The following MON1A variants were observed in gnomAD, a reference collection of about 807,000 sequenced individuals.
MON1A encodes MON1 vesicular trafficking associated A, also known as vacuolar fusion protein MON1 homolog A.
A neutral mutation model predicts 44.6 loss-of-function variants in MON1A; 29 were observed. The ratio of observed to expected loss-of-function variants is 0.65; its 90% CI spans 0.48 to 0.89. The LOEUF (loss-of-function observed/expected upper bound fraction) is 0.89, where lower values mean the gene tolerates loss of function less well. MON1A is among the 40% of genes least tolerant of loss of function. The pLI is 0.00. For synonymous variants in MON1A, 275 were observed against 316.4 expected (o/e 0.87, Z 1.39); for missense variants, 615 against 759.6 (o/e 0.81, Z 2.24).
rs1276859627 is a variant in MON1A at position 49,911,347 on chromosome 3, T to A, written c.613+179A>T. ...AACTTTGGTCCTCGCCGCAGCCCCATGAGGCCAGCAGTGTTGTTATCTTCT... is the reference window on the plus strand; with the variant it reads ...AACTTTGGTCCTCGCCGCAGCCCCAAGAGGCCAGCAGTGTTGTTATCTTCT... On this transcript the variant is annotated intron_variant, in intron 3 of 5. Transcript: ENST00000296473. The surrounding 1 kb of genome is among the most constrained non-coding windows in gnomAD (Gnocchi z 5.7). 6.6e-6 allele frequency among the ~76,000 whole-genome samples: 1 copy of A among 152,132 alleles called. No homozygotes were observed. The highest frequency in any genetic ancestry group is 1.5e-5 in the Non-Finnish European group (1 of 68,012).
chr3:49,926,624 T>C (rs1290438529), intron 1 of MON1A, among the ~76,000 whole-genome samples: 1 of 152,074 alleles, frequency 6.6e-6, no homozygotes, highest in African/African-American at 2.4e-5. Context: ...GCCTGGCTAA[T>C]TTTTTAATTT....
chr3:49,909,055 CTT>C lies in MON1A; in HGVS notation c.1625_1626del (p.Lys542ArgfsTer?). On this transcript the variant is annotated frameshift_variant, in exon 6 of 6. Coordinates refer to ENST00000296473, the MANE Select transcript of MON1A (RefSeq NM_032355.4). LOFTEE classifies it high-confidence loss of function. The surrounding 1 kb of genome is among the most constrained non-coding windows in gnomAD (Gnocchi z 4.0). ...AIHKLMRWIRKEEDRLFILTP... is the reference protein window; with the variant it reads ...AIHKLMRWIRXEEDRLFILTP... ...GTGAGAATGAAGAGGCGGTCTTCCTCTTTGCGGATCCAGCGCATCAGCTTATG... is the reference window on the plus strand; with the variant it reads ...GTGAGAATGAAGAGGCGGTCTTCCTCTGCGGATCCAGCGCATCAGCTTATG... The C allele has an allele frequency of 1.2e-6, 2 of 1,613,880 alleles. No individual in the cohort carries two copies. The highest frequency in any genetic ancestry group is 1.1e-5 in the South Asian group (1 of 91,046).
In MON1A at chr3:49,929,707, G is replaced by T; in HGVS notation, c.-112C>A. 6.4e-7 allele frequency: 1 copy of T among 1,550,608 alleles called. No individual in the cohort carries two copies. Among genetic ancestry groups the T allele is most frequent in the Non-Finnish European group, 8.7e-7 (1 of 1,146,800 alleles). On this transcript the variant is annotated 5_prime_UTR_variant, in exon 1 of 6. Transcript: ENST00000296473. ...GGGTGTCCGGCCGGGGCCGGCCTGA[G>T]GGCACAGCTTCGCGGGGCCCCGGCC...
intron 2 of MON1A, chr3:49,912,646 T>TA (rs34770361): frequency 0.066 from 13,091 of 197,706 alleles, 492 homozygotes; most frequent in African/African-American, 0.076. Context: ...ACTCAGGCCA[T>TA]AGCTCCTGAC....
intron 1 of MON1A, among the ~76,000 whole-genome samples, chr3:49,927,559 GC>G (rs776427686): frequency 4.5e-4 from 69 of 152,184 alleles, no homozygotes; most frequent in Non-Finnish European, 4.7e-4. Flanking sequence ...AGCCAGGTGG[GC>G]CCTAGCCTGA....
At chr3:49,913,585 G>T (rs2082912190) in intron 1 of MON1A, among the ~76,000 whole-genome samples, 1 of 147,542 alleles carries the variant, frequency 6.8e-6, no homozygotes, top group African/African-American at 2.5e-5. Context: ...GCACAGAAAA[G>T]TAGAAAGAAA....
chr3:49,925,744 A>G (rs1033923992), intron 1 of MON1A, among the ~76,000 whole-genome samples: 3 of 152,208 alleles, frequency 2.0e-5, no homozygotes, highest in African/African-American at 7.2e-5. Flanking sequence ...GTCTCAATCA[A>G]TCAATCAATG....
chr3:49,915,174 C>T (rs2082933158), intron 1 of MON1A, among the ~76,000 whole-genome samples: 1 of 152,176 alleles, frequency 6.6e-6, no homozygotes, highest in South Asian at 2.1e-4. Flanking sequence ...ACTGAGAGAG[C>T]TTAAGGAGCT....
rs1424341550 is a variant in MON1A, at chr3:49,914,186, G to T, written c.-13-827C>A. Among the ~76,000 whole-genome samples, 4 of 151,464 alleles carry T rather than the reference G, an allele frequency of 2.6e-5. No homozygotes were observed. The East Asian group carries it at 5.8e-4, about 22-fold the overall frequency. The stretch of plus-strand genomic sequence containing the variant: ...GCTCACCGCAACCTCCACCTCCCAG[G>T]TTCAAGAGATTCTCCTGCCTCAGCC... On this transcript the variant is annotated intron_variant, in intron 1 of 5. Transcript: ENST00000296473.
intron 1 of MON1A, among the ~76,000 whole-genome samples, chr3:49,927,936 T>C (rs2083064361): frequency 6.6e-6 from 1 of 151,900 alleles, no homozygotes; most frequent in Admixed American, 6.6e-5. Flanking sequence ...AAAAAACTCC[T>C]TGGTCTGCCA....
intron 1 of MON1A, among the ~76,000 whole-genome samples, chr3:49,922,173 AG>A (rs2083004068): frequency 7.1e-6 from 1 of 141,280 alleles, no homozygotes; most frequent in African/African-American, 2.6e-5. Context: ...GACGGCCGGG[AG>A]CAGTGGCTCA....
At chr3:49,920,355 ACCT>A (rs2082985432) in intron 1 of MON1A, among the ~76,000 whole-genome samples, 1 of 151,806 alleles carries the variant, frequency 6.6e-6, no homozygotes, top group Non-Finnish European at 1.5e-5. Context: ...CAGTCTTTGG[ACCT>A]CTTCTCTGTC....
At position 49,909,080 on chromosome 3, in the gene MON1A, A is replaced by G; in HGVS notation, c.1602T>C (p.His534=). 3 of 1,613,940 alleles carry G rather than the reference A, an allele frequency of 1.9e-6. No homozygotes were observed. Among genetic ancestry groups the G allele is most frequent in the Non-Finnish European group, 2.5e-6 (3 of 1,179,926 alleles). The change falls in exon 6 of 6, where the codon CAT becomes CAC. Residue 534 remains histidine, a synonymous_variant. Transcript: ENST00000296473. This position sits in a 1 kb window ranked among gnomAD's most constrained non-coding sequence, Gnocchi z 4.0. ...GTKASAVSAI[H]KLMRWIRKEE... Reference sequence around the variant, plus strand: ...CTTTGCGGATCCAGCGCATCAGCTTATGGATGGCACTGACGGCTGACGCCT... The same window carrying G: ...CTTTGCGGATCCAGCGCATCAGCTTGTGGATGGCACTGACGGCTGACGCCT...
Position 49,910,730 on chromosome 3 carries a change from G to T in MON1A, c.768C>A (p.Phe256Leu). ...LLTGAQLSHI[F>L]QQKQNYDLRR... ...GCAAATCATAGTTCTGCTTCTGCTG[G>T]AAGATGTGGCTCAGCTGCGCACCGG... Residue 256 changes from phenylalanine (F) to leucine (L), a missense_variant, in exon 4 of 6, where the codon TTC (phenylalanine) becomes TTA (leucine). Transcript: ENST00000296473. This position sits in a 1 kb window ranked among gnomAD's most constrained non-coding sequence, Gnocchi z 8.0. 1 of 1,614,042 alleles carries T rather than the reference G, an allele frequency of 6.2e-7. No individual in the cohort carries two copies. The highest frequency in any genetic ancestry group is 8.5e-7 in the Non-Finnish European group (1 of 1,179,962).
chr3:49,910,194 T>A lies in MON1A; in HGVS notation c.1304A>T (p.Tyr435Phe), dbSNP rs1467338776. 1 of 1,613,958 alleles carries A rather than the reference T, an allele frequency of 6.2e-7. No homozygotes were observed. The highest frequency in any genetic ancestry group is 8.5e-7 in the Non-Finnish European group (1 of 1,179,934). ...ALREALRTPY[Y>F]SVAQVGIPDL... ...AGGGATGCCCACTTGGGCAACGCTGTAGTAGGGTGTGCGCAGTGCCTCTCG... is the reference window on the plus strand; with the variant it reads ...AGGGATGCCCACTTGGGCAACGCTGAAGTAGGGTGTGCGCAGTGCCTCTCG... The change falls in exon 4 of 6, where the codon TAC becomes TTC. Residue 435 changes from tyrosine (Y) to phenylalanine (F), a missense_variant. Coordinates refer to ENST00000296473, the MANE Select transcript of MON1A (RefSeq NM_032355.4). This position sits in a 1 kb window ranked among gnomAD's most constrained non-coding sequence, Gnocchi z 8.0.
chr3:49,913,239 C>T lies in MON1A; in HGVS notation c.108G>A (p.Met36Ile), dbSNP rs746152454. Residue 36 changes from methionine (M) to isoleucine (I), a missense_variant, in exon 2 of 6, where the codon ATG becomes ATA. Coordinates refer to ENST00000296473, the MANE Select transcript of MON1A (RefSeq NM_032355.4). Reference protein sequence around the residue: ...MERAESPTPGMAQGMEPGAGQ... With the variant: ...MERAESPTPGIAQGMEPGAGQ... ...CCATACCTGGCTCCATTCCCTGGGC[C>T]ATTCCTGGTGTGGGGCTCTCAGCTC... The T allele has an allele frequency of 4.3e-6, 7 of 1,614,224 alleles. No homozygotes were observed. Among genetic ancestry groups the T allele is most frequent in the Admixed American group, 1.7e-5 (1 of 60,020 alleles).
chr3:49,917,850 C>G (rs2082959878), intron 1 of MON1A, among the ~76,000 whole-genome samples: 2 of 151,526 alleles, frequency 1.3e-5, no homozygotes, highest in Admixed American at 1.3e-4. Context: ...AGTTTGAGAA[C>G]AGCCTGACCA....
Position 49,919,236 on chromosome 3 carries a change from G to A in MON1A, c.-13-5877C>T, listed in dbSNP as rs528277605. On this transcript the variant is annotated intron_variant, in intron 1 of 5. Coordinates refer to ENST00000296473, the MANE Select transcript of MON1A (RefSeq NM_032355.4). ...GTGTTCGCTTTGTAATAATTCACTG[G>A]GCTATACTTATGATTTGTGAACTTT... Among the ~76,000 whole-genome samples, 46 of 152,044 alleles carry A rather than the reference G, an allele frequency of 3.0e-4. No homozygotes were observed. The South Asian group carries it at 9.4e-3, about 31-fold the overall frequency.
intron 1 of MON1A, among the ~76,000 whole-genome samples, chr3:49,914,540 ATTTTTTTT>A (rs35967703): frequency 8.1e-5 from 7 of 85,982 alleles, no homozygotes; most frequent in African/African-American, 2.7e-4. Context: ...CGCCTGCCTA[ATTTTTTTT>A]TTTTTTTTTT....
Sources: allele counts gnomAD v4.1 joint callset (sites outside exome capture counted in the v4.1 genomes callset), GRCh38; gene constraint gnomAD v4.1.1; non-coding constraint Gnocchi (gnomAD v3.1); transcripts MANE v1.5; gene names NCBI Gene and HGNC (gene_info 2026-07-23, HGNC 2026-07-21).